The following LRP1B variants were observed in gnomAD, a reference collection of about 807,000 sequenced individuals.
LRP1B encodes low-density lipoprotein receptor-related protein 1B.
Under a neutral mutation model 556.6 loss-of-function variants are expected in LRP1B, and 217 were observed. The ratio of observed to expected loss-of-function variants is 0.39; its 90% CI spans 0.35 to 0.44. The LOEUF is 0.44. Ranked by LOEUF, LRP1B falls within the 20% of genes least tolerant of loss-of-function variation. LRP1B has a pLI of 1.00. For synonymous variants in LRP1B, 2,047 were observed against 1,865.8 expected, an observed-to-expected ratio of 1.10 and a Z score of -2.50; for missense variants, 5,053 against 5,620.8, an observed-to-expected ratio of 0.90 and a Z score of 3.23.
At chr2:142,130,492 C>A (rs1404458760) in intron 1 of LRP1B, among the ~76,000 whole-genome samples, 156 bp downstream of exon 1, 1 of 152,192 alleles carries the variant, frequency 6.6e-6, no homozygotes, top group Non-Finnish European at 1.5e-5. Context: ...CCGCACCGCA[C>A]CTCTCACCCC....
chr2:140,891,207 T>A (rs139015758), intron 23 of LRP1B, among the ~76,000 whole-genome samples: 1 of 152,148 alleles, frequency 6.6e-6, no homozygotes, highest in Non-Finnish European at 1.5e-5. Flanking sequence ...TACAAGAAGC[T>A]TTTAGAAAAC....
At chr2:141,901,696 G>A (rs1179746492) in intron 1 of LRP1B, among the ~76,000 whole-genome samples, 2 of 151,790 alleles carry the variant, frequency 1.3e-5, no homozygotes, top group Non-Finnish European at 2.9e-5. Flanking sequence ...TATAGTATGT[G>A]AGAAATTCAT....
At chr2:140,275,865 A>G (rs1682651065) in intron 84 of LRP1B, among the ~76,000 whole-genome samples, 2 of 151,966 alleles carry the variant, frequency 1.3e-5, no homozygotes, top group Non-Finnish European at 2.9e-5. Flanking sequence ...CCCCTTGAAC[A>G]TGCATAATGA....
intron 78 of LRP1B, 60 bp downstream of exon 78, chr2:140,335,548 TATAGAGC>T: frequency 1.0e-6 from 1 of 956,478 alleles, no homozygotes; most frequent in Non-Finnish European, 1.7e-6. Flanking sequence ...AGACAAAATC[TATAGAGC>T]ATAATTTCTA....
chr2:140,487,983 T>C (rs143359687), intron 57 of LRP1B, among the ~76,000 whole-genome samples: 6,303 of 152,024 alleles, frequency 0.041, 169 homozygotes, highest in Non-Finnish European at 0.047. Flanking sequence ...TTTCAAAATA[T>C]TTACAATGGT....
chr2:141,013,581 C>A lies in LRP1B; in HGVS notation c.2355G>T (p.Gln785His). 6.2e-7 allele frequency: 1 copy of A among 1,608,858 alleles called. No individual in the cohort carries two copies. Among genetic ancestry groups the A allele is most frequent in the Middle Eastern group, 1.7e-4 (1 of 6,022 alleles). ...CTTGTTGCTTTCGTGGATCATAAATCTGAAGCCCAAATAGGGGTGGTCTTT... is the reference window on the plus strand; with the variant it reads ...CTTGTTGCTTTCGTGGATCATAAATATGAAGCCCAAATAGGGGTGGTCTTT... Reference protein sequence around the residue: ...RHERPPLFGLQIYDPRKQQGD... With the variant: ...RHERPPLFGLHIYDPRKQQGD... The change falls in exon 14 of 91, where the codon CAG becomes CAT. Residue 785 changes from glutamine (Q) to histidine (H), a missense_variant. Gln to His is a conservative substitution (Grantham distance 24). Transcript: ENST00000389484.
At chr2:141,764,187 T>C (rs1694655920) in intron 2 of LRP1B, among the ~76,000 whole-genome samples, 1 of 151,680 alleles carries the variant, frequency 6.6e-6, no homozygotes, top group South Asian at 2.1e-4. Context: ...CAAGATGGTG[T>C]CTTTTTTTTT....
chr2:142,001,394 T>C lies in LRP1B; in HGVS notation c.82+129254A>G, dbSNP rs143815536. ...CAAAGTAGTAAATATTTACTGAGCA[T>C]TAAAGCATCCAATAAAGTCTCGTGA... On this transcript the variant is annotated intron_variant, in intron 1 of 90. Coordinates refer to ENST00000389484, the MANE Select transcript of LRP1B (RefSeq NM_018557.3). Among the ~76,000 whole-genome samples the C allele has an allele frequency of 3.8e-3, 585 of 152,290 alleles. 2 individuals carry two copies. The highest frequency in any genetic ancestry group is 0.013 in the African/African-American group (559 of 41,558).
chr2:141,685,804 T>C (rs1315781066), intron 2 of LRP1B, among the ~76,000 whole-genome samples: 1 of 152,072 alleles, frequency 6.6e-6, no homozygotes, highest in Non-Finnish European at 1.5e-5. Flanking sequence ...GTTAGCAGGC[T>C]GATTTCAGTC....
chr2:141,614,197 A>C (rs1451638324), intron 2 of LRP1B, among the ~76,000 whole-genome samples: 1 of 152,102 alleles, frequency 6.6e-6, no homozygotes, highest in African/African-American at 2.4e-5. Flanking sequence ...TGCATAAAAC[A>C]AATCTACTGA....
At chr2:140,664,474 A>G (rs564380640) in intron 41 of LRP1B, among the ~76,000 whole-genome samples, 23 of 152,324 alleles carry the variant, frequency 1.5e-4, no homozygotes, top group African/African-American at 5.3e-4. Flanking sequence ...AAAGAAAAAA[A>G]TTAAAATAAT....
At chr2:141,228,441 A>C (rs1470705045) in intron 6 of LRP1B, among the ~76,000 whole-genome samples, 2 of 148,366 alleles carry the variant, frequency 1.3e-5, no homozygotes, top group Non-Finnish European at 3.0e-5. Context: ...ATGTGGAAGC[A>C]GGGAGAGAGA....
rs200344004 is a variant in LRP1B, at chr2:141,495,540, A to G, written c.206-15007T>C. On this transcript the variant is annotated intron_variant, in intron 2 of 90. Coordinates refer to ENST00000389484, the MANE Select transcript of LRP1B (RefSeq NM_018557.3). ...CTTTTCTACAGAAGTTTGAACAGGT[A>G]TATGCAAATAAAAATTCCAAAAAAG... Among the ~76,000 whole-genome samples the G allele has an allele frequency of 8.5e-5, 13 of 152,294 alleles. No homozygotes were observed. The East Asian group carries it at 2.3e-3, about 27-fold the overall frequency.
At chr2:141,285,595 A>G (rs964451555) in intron 3 of LRP1B, among the ~76,000 whole-genome samples, 18 of 146,912 alleles carry the variant, frequency 1.2e-4, no homozygotes, top group Admixed American at 6.1e-4. Flanking sequence ...AGCTGGAATT[A>G]CAGGTGCCCG....
chr2:140,654,128 G>A (rs1559034236), intron 41 of LRP1B, among the ~76,000 whole-genome samples: 1 of 148,346 alleles, frequency 6.7e-6, no homozygotes, highest in Non-Finnish European at 1.5e-5. Context: ...TATTTTTATA[G>A]AATTTATAGA....
chr2:142,042,460 C>T (rs1448748309), intron 1 of LRP1B, among the ~76,000 whole-genome samples: 8 of 151,296 alleles, frequency 5.3e-5, no homozygotes, highest in Non-Finnish European at 8.9e-5. Flanking sequence ...AAGTTTTATC[C>T]TCTTAAAACA....
chr2:140,684,052 T>A (rs185252465), intron 41 of LRP1B, among the ~76,000 whole-genome samples: 39 of 152,328 alleles, frequency 2.6e-4, no homozygotes, highest in Non-Finnish European at 5.0e-4. Flanking sequence ...CTCCCTTTCA[T>A]TCTGAATATA....
Position 140,239,496 on chromosome 2 carries a change from A to G in LRP1B, c.13361T>C (p.Val4454Ala). ...IAIIVPLVLL[V>A]TLITTLVIGL... is the part of the protein sequence containing the mutation. ...AATTACTAAGGTGGTTATCAAAGTC[A>G]CCAAGAGGACGAGAGGCACAATGAT... is the stretch of plus-strand genomic sequence containing the variant. Residue 4454 changes from valine (V) to alanine (A), a missense_variant, in exon 88 of 91, where the codon GTG (valine) becomes GCG (alanine). Val to Ala is a moderately conservative substitution (Grantham distance 64). Transcript: ENST00000389484. 1 of 1,605,208 alleles carries G rather than the reference A, an allele frequency of 6.2e-7. No homozygotes were observed. Among genetic ancestry groups the G allele is most frequent in the African/African-American group, 1.3e-5 (1 of 74,412 alleles).
rs538753332 is a variant in LRP1B at position 141,219,125 on chromosome 2, G to A, written c.850+10058C>T. Among the ~76,000 whole-genome samples, 6 of 152,308 alleles carry A rather than the reference G, an allele frequency of 3.9e-5. No individual in the cohort carries two copies. The East Asian group carries it at 1.2e-3, about 30-fold the overall frequency. ...TGAGTCCACCCCACCAGGGCCTTGG[G>A]TCCCAAACTGAGAGCTGTGCAATCC... On this transcript the variant is annotated intron_variant, in intron 6 of 90. Transcript: ENST00000389484.
Sources: allele counts gnomAD v4.1 joint callset (sites outside exome capture counted in the v4.1 genomes callset), GRCh38; gene constraint gnomAD v4.1.1; transcripts MANE v1.5; gene names NCBI Gene and HGNC (gene_info 2026-07-23, HGNC 2026-07-21).